MRTFB: variants seen among roughly 807,000 people sequenced by gnomAD.
MRTFB encodes the protein myocardin related transcription factor B, also known as myocardin-related transcription factor B.
In MRTFB, 29 loss-of-function variants were observed where a neutral mutation model predicts 104.2. That is an observed-to-expected ratio of 0.28 (90% confidence interval 0.21 to 0.38). The LOEUF (loss-of-function observed/expected upper bound fraction) is 0.38, where lower values mean the gene tolerates loss of function less well. MRTFB is among the 10% of genes least tolerant of loss of function. The pLI is 1.00. For missense variants in MRTFB, 1,270 were observed against 1,341.6 expected (o/e 0.95, Z 0.83); for synonymous variants, 535 against 519.5 (o/e 1.03, Z -0.41).
chr16:14,177,616 G>C lies in MRTFB; in HGVS notation c.155-32627G>C, dbSNP rs1209205137. 6.6e-6 allele frequency among the ~76,000 whole-genome samples: 1 copy of C among 152,144 alleles called. No individual in the cohort carries two copies. Among genetic ancestry groups the C allele is most frequent in the Non-Finnish European group, 1.5e-5 (1 of 68,028 alleles). The stretch of plus-strand genomic sequence containing the variant: ...ACAGCAGGAGGATTGCTTCAGCCCA[G>C]GAGTTCGAGACCAGCCTGAGCAACA... On this transcript the variant is annotated intron_variant, in intron 3 of 16. Transcript: ENST00000571589. This position sits in a 1 kb window ranked among gnomAD's most constrained non-coding sequence, Gnocchi z 4.7.
At chr16:14,210,433 ATTTCC>A in intron 4 of MRTFB, 125 bp downstream of exon 4, 1 of 688,874 alleles carries the variant, frequency 1.5e-6, no homozygotes. Flanking sequence ...TACCAAATGA[ATTTCC>A]AAGGAAAAAT....
chr16:14,208,690 G>C (rs116429380), intron 3 of MRTFB, among the ~76,000 whole-genome samples: 1 of 152,120 alleles, frequency 6.6e-6, no homozygotes, highest in African/African-American at 2.4e-5. Flanking sequence ...GTTAAAGTAC[G>C]CAGGTCTTTG....
chr16:14,093,140 C>T (rs1362208384), intron 2 of MRTFB, among the ~76,000 whole-genome samples: 2 of 151,910 alleles, frequency 1.3e-5, no homozygotes, highest in Non-Finnish European at 2.9e-5. Context: ...GTCAGGAAAA[C>T]CAAACCATTG....
At chr16:14,097,035 G>A (rs940050574) in intron 2 of MRTFB, among the ~76,000 whole-genome samples, 7 of 152,182 alleles carry the variant, frequency 4.6e-5, no homozygotes, top group Non-Finnish European at 7.4e-5. Context: ...TGTATTAGAA[G>A]AATCATTGTT....
the MRTFB span, among the ~76,000 whole-genome samples, chr16:13,994,821 C>T: frequency 6.6e-6 from 1 of 152,152 alleles, no homozygotes; most frequent in Non-Finnish European, 1.5e-5. Flanking sequence ...ATGAACTCAT[C>T]TTGGGCACCA....
intron 3 of MRTFB, among the ~76,000 whole-genome samples, chr16:14,166,464 T>A (rs1417857507): frequency 6.6e-6 from 1 of 152,228 alleles, no homozygotes; most frequent in Non-Finnish European, 1.5e-5. Context: ...ATAGTGAACA[T>A]CCTTATGTGA....
the MRTFB span, chr16:14,019,306 G>T: frequency 6.6e-6 from 1 of 152,098 alleles, no homozygotes; most frequent in Non-Finnish European, 1.5e-5. Context: ...GGAGAAACTT[G>T]CCCCAGCCCT....
chr16:14,131,701 C>A lies in MRTFB; in HGVS notation c.-63-8843C>A, dbSNP rs536339664. ...CAATAAAACATGAAAAGAAATTCAA[C>A]ATCATTAGTCATTAGGGAAATGCAA... On this transcript the variant is annotated intron_variant, in intron 2 of 16. Coordinates refer to ENST00000571589, the MANE Select transcript of MRTFB (RefSeq NM_001308142.2). 4.0e-5 allele frequency among the ~76,000 whole-genome samples: 6 copies of A among 151,808 alleles called. No individual in the cohort carries two copies. The South Asian group carries it at 1.0e-3, about 26-fold the overall frequency.
At chr16:14,207,297 A>G (rs1179590268) in intron 3 of MRTFB, among the ~76,000 whole-genome samples, 1 of 152,208 alleles carries the variant, frequency 6.6e-6, no homozygotes, top group Non-Finnish European at 1.5e-5. Flanking sequence ...TTGTTTGGCC[A>G]CATAGAAAAT....
chr16:14,245,798 G>T, intron 11 of MRTFB, 138 bp downstream of exon 11: 1 of 1,021,312 alleles, frequency 9.8e-7, no homozygotes, highest in Non-Finnish European at 1.4e-6. Flanking sequence ...TTTATAAAAG[G>T]TATTTTCTTT....
the MRTFB span, among the ~76,000 whole-genome samples, chr16:14,057,848 G>C: frequency 6.6e-6 from 1 of 152,212 alleles, no homozygotes; most frequent in Non-Finnish European, 1.5e-5. Flanking sequence ...GTCCAACTCT[G>C]AGCTCCTCCT....
intron 3 of MRTFB, among the ~76,000 whole-genome samples, chr16:14,156,248 C>T (rs1279335381): frequency 4.6e-5 from 7 of 152,144 alleles, no homozygotes; most frequent in Non-Finnish European, 7.3e-5. Context: ...GGCTGGAAAA[C>T]GAGGGTCTGG....
the MRTFB span, among the ~76,000 whole-genome samples, chr16:14,059,997 ATTTTTTTTT>A: frequency 5.0e-5 from 5 of 99,720 alleles, no homozygotes; most frequent in South Asian, 7.0e-4. Flanking sequence ...GAGACATGTA[ATTTTTTTTT>A]TTTTTTTTTT....
chr16:14,145,113 T>C (rs117828617), intron 3 of MRTFB, among the ~76,000 whole-genome samples: 4,172 of 151,418 alleles, frequency 0.028, 91 homozygotes, highest in Non-Finnish European at 0.042. Flanking sequence ...AAGTAATATA[T>C]AGATGAAAGG....
In MRTFB at chr16:14,200,546, T is replaced by C. The variant is rs2040648736; in HGVS notation, c.155-9697T>C. On this transcript the variant is annotated intron_variant, in intron 3 of 16. Coordinates refer to ENST00000571589, the MANE Select transcript of MRTFB (RefSeq NM_001308142.2). Reference sequence around the variant, plus strand: ...ATTGCTCAGCAGCAGCTTTATTACCTGTATGGTAACAATTATCTTGTTGTC... The same window carrying C: ...ATTGCTCAGCAGCAGCTTTATTACCCGTATGGTAACAATTATCTTGTTGTC... 3 of 1,605,494 alleles carry C rather than the reference T, an allele frequency of 1.9e-6. No individual in the cohort carries two copies. The Admixed American group carries it at 5.0e-5, about 27-fold the overall frequency.
chr16:14,190,359 T>G (rs1597201026), intron 3 of MRTFB, among the ~76,000 whole-genome samples: 1 of 152,222 alleles, frequency 6.6e-6, no homozygotes, highest in South Asian at 2.1e-4. Flanking sequence ...TTTCTGGATC[T>G]ACAGCTAAGA....
chr16:14,085,972 A>G (rs2034681780), intron 2 of MRTFB, among the ~76,000 whole-genome samples: 1 of 152,206 alleles, frequency 6.6e-6, no homozygotes, highest in African/African-American at 2.4e-5. Context: ...AGGAAACTAG[A>G]TCTTGTTAAA....
intron 16 of MRTFB, among the ~76,000 whole-genome samples, chr16:14,260,508 T>C (rs1356745250): frequency 6.6e-6 from 1 of 152,178 alleles, no homozygotes; most frequent in African/African-American, 2.4e-5. Context: ...ATATGAGCCC[T>C]ATCTTAAAAC....
At chr16:14,124,094 T>A (rs1457707790) in intron 2 of MRTFB, among the ~76,000 whole-genome samples, 1 of 152,224 alleles carries the variant, frequency 6.6e-6, no homozygotes, top group Non-Finnish European at 1.5e-5. Flanking sequence ...AGAATACTTG[T>A]GATTTTTGCA....
Sources: gnomAD v4.1 joint callset for allele counts (sites outside exome capture counted in the v4.1 genomes callset) on GRCh38, gnomAD v4.1.1 for gene constraint, Gnocchi (gnomAD v3.1) non-coding constraint, MANE v1.5 for transcripts, NCBI Gene and HGNC (gene_info 2026-07-23, HGNC 2026-07-21) for gene names.